The following MYH10 variants were observed in gnomAD, a reference collection of about 807,000 sequenced individuals.
MYH10 encodes the protein myosin heavy chain 10, also known as myosin-10.
A neutral mutation model predicts 257.8 loss-of-function variants in MYH10; 55 were observed. That is an observed-to-expected ratio of 0.21 (90% CI 0.17 to 0.27). MYH10 has a LOEUF of 0.27. Ranked by LOEUF, MYH10 falls within the 10% of genes least tolerant of loss-of-function variation. The pLI is 1.00. For synonymous variants in MYH10, 854 were observed against 921.7 expected (o/e 0.93, Z 1.33); for missense variants, 1,631 against 2,500.6 (o/e 0.65, Z 7.42).
chr17:8,511,124 A>C (rs2081280445), intron 24 of MYH10: 2 of 151,150 alleles, frequency 1.3e-5, no homozygotes, highest in Admixed American at 6.6e-5. Flanking sequence ...AATTAAAAAC[A>C]AAGTGTTACA....
intron 26 of MYH10, among the ~76,000 whole-genome samples, chr17:8,507,043 A>T (rs1567815914): frequency 6.6e-6 from 1 of 152,158 alleles, no homozygotes; most frequent in Non-Finnish European, 1.5e-5. Flanking sequence ...TCACTGAATG[A>T]TTTATTTCCT....
intron 25 of MYH10, 70 bp downstream of exon 25, chr17:8,509,742 T>A (rs2081196853): frequency 7.0e-7 from 1 of 1,424,410 alleles, no homozygotes; most frequent in South Asian, 1.5e-5. Flanking sequence ...TTTCAATGAG[T>A]GTATCAACAT....
Position 8,477,230 on chromosome 17 carries a change from A to G in MYH10, c.5707-182T>C, listed in dbSNP as rs1230655677. 6.6e-6 allele frequency among the ~76,000 whole-genome samples: 1 copy of G among 152,142 alleles called. No homozygotes were observed. Among genetic ancestry groups the G allele is most frequent in the East Asian group, 1.9e-4 (1 of 5,180 alleles). On this transcript the variant is annotated intron_variant, in intron 41 of 42. Coordinates refer to ENST00000360416, the MANE Select transcript of MYH10 (RefSeq NM_001256012.3). The surrounding 1 kb of genome is among the most constrained non-coding windows in gnomAD (Gnocchi z 4.2). ...CTGTAACCGGCCTGCCGCTCTCAGCAAAGCTAGCATCTACAAAGCACACTA... is the reference window on the plus strand; with the variant it reads ...CTGTAACCGGCCTGCCGCTCTCAGCGAAGCTAGCATCTACAAAGCACACTA...
chr17:8,528,060 G>A (rs2081904528), intron 17 of MYH10, among the ~76,000 whole-genome samples: 1 of 152,120 alleles, frequency 6.6e-6, no homozygotes, highest in Admixed American at 6.5e-5. Flanking sequence ...ACTCTACCTG[G>A]ACTTCTCAGG....
chr17:8,513,481 T>C, intron 23 of MYH10, 57 bp downstream of exon 23: 1 of 1,603,320 alleles, frequency 6.2e-7, no homozygotes, highest in South Asian at 1.1e-5. Flanking sequence ...TTGCTACCAG[T>C]GCAAGATCTC....
intron 13 of MYH10, among the ~76,000 whole-genome samples, chr17:8,544,046 T>C (rs895024683): frequency 1.3e-5 from 2 of 152,222 alleles, no homozygotes; most frequent in Non-Finnish European, 2.9e-5. Flanking sequence ...TATCTTGTTA[T>C]GTTGTGGGAT....
chr17:8,595,849 A>G (rs1218709600), intron 3 of MYH10, among the ~76,000 whole-genome samples: 1 of 152,160 alleles, frequency 6.6e-6, no homozygotes, highest in Non-Finnish European at 1.5e-5. Context: ...ATTCAATACA[A>G]AGATCCAAGA....
At chr17:8,568,483 C>T (rs950096745) in intron 7 of MYH10, among the ~76,000 whole-genome samples, 3 of 151,976 alleles carry the variant, frequency 2.0e-5, no homozygotes, top group Non-Finnish European at 2.9e-5. Flanking sequence ...TTTTAAAAAG[C>T]GTGTCACGAC....
intron 17 of MYH10, among the ~76,000 whole-genome samples, chr17:8,529,607 A>C (rs1409160977): frequency 6.6e-6 from 1 of 152,166 alleles, no homozygotes; most frequent in Non-Finnish European, 1.5e-5. Flanking sequence ...TCTCTAGCAT[A>C]ATCTTTTCTC....
In MYH10 at chr17:8,573,789, T is replaced by A. The variant is rs1475935415; in HGVS notation, c.663+2854A>T. The A allele has an allele frequency of 5.6e-6, 5 of 893,220 alleles. No individual in the cohort carries two copies. The East Asian group carries it at 6.0e-4, about 107-fold the overall frequency. The allele number at this position is 893,220 out of a possible 1,614,324, so 55.3% of individuals were successfully genotyped here. A position where few individuals can be genotyped will look rare whatever the true frequency, so the allele number is the denominator to read the frequency against. On this transcript the variant is annotated intron_variant, in intron 6 of 42. Coordinates refer to ENST00000360416, the MANE Select transcript of MYH10 (RefSeq NM_001256012.3). The stretch of plus-strand genomic sequence containing the variant: ...GTATTGTCACTTTAATTTTGAAAAC[T>A]GATTTGCTTATATTTGTTCATATTT...
chr17:8,481,447 A>G (rs746122653), intron 37 of MYH10, 37 bp from the exon 38 acceptor site: 3 of 1,594,018 alleles, frequency 1.9e-6, no homozygotes, highest in East Asian at 2.2e-5. Flanking sequence ...CTGGCTGTGA[A>G]TAGTTTCCTC....
intron 4 of MYH10, among the ~76,000 whole-genome samples, chr17:8,585,927 C>T (rs2083901705): frequency 1.3e-5 from 2 of 152,178 alleles, no homozygotes; most frequent in Non-Finnish European, 2.9e-5. Context: ...TACAATTGAA[C>T]TTGAAATGCA....
intron 17 of MYH10, among the ~76,000 whole-genome samples, chr17:8,522,501 A>G (rs1489055567): frequency 6.6e-6 from 1 of 152,186 alleles, no homozygotes; most frequent in African/African-American, 2.4e-5. Context: ...TGTGGGTCAG[A>G]GCTACCTCTT....
In MYH10 at chr17:8,535,986, C is replaced by A. The variant is rs1279005027; in HGVS notation, c.1606-55G>T. 6 of 1,498,246 alleles carry A rather than the reference C, an allele frequency of 4.0e-6. No individual in the cohort carries two copies. The allele number at this position is 1,498,246 out of a possible 1,614,324, so 92.8% of individuals were successfully genotyped here. A position where few individuals can be genotyped will look rare whatever the true frequency, so the allele number is the denominator to read the frequency against. ...AGTTTTGCATGCCACTTTAATACTA[C>A]TGAGTCTGGCACTTAAACTTCTAAA... is the stretch of plus-strand genomic sequence containing the variant. On this transcript the variant is annotated intron_variant, in intron 14 of 42. Transcript: ENST00000360416. This position sits in a 1 kb window ranked among gnomAD's most constrained non-coding sequence, Gnocchi z 4.3.
At chr17:8,481,293 G>A in intron 38 of MYH10, 29 bp downstream of exon 38, 1 of 1,609,296 alleles carries the variant, frequency 6.2e-7, no homozygotes, top group Non-Finnish European at 8.5e-7. Flanking sequence ...TGAGGGCGAA[G>A]AACCCACCCC....
intron 7 of MYH10, among the ~76,000 whole-genome samples, chr17:8,565,686 A>G (rs1029425224): frequency 5.9e-5 from 9 of 152,364 alleles, no homozygotes; most frequent in Admixed American, 5.9e-4. Flanking sequence ...ATAGTAGTGC[A>G]GGCACTTTGG....
chr17:8,582,964 T>C (rs1022981048), intron 4 of MYH10, among the ~76,000 whole-genome samples: 1 of 152,216 alleles, frequency 6.6e-6, no homozygotes, highest in Non-Finnish European at 1.5e-5. Context: ...CAGATACATA[T>C]TACCCCCTAT....
intron 16 of MYH10, among the ~76,000 whole-genome samples, chr17:8,534,565 T>C (rs765743648): frequency 2.0e-4 from 31 of 152,254 alleles, no homozygotes; most frequent in Non-Finnish European, 4.3e-4. Flanking sequence ...TCTGCTTCCA[T>C]TCCTTTCCCT....
intron 6 of MYH10, among the ~76,000 whole-genome samples, chr17:8,571,987 C>A (rs1208326922): frequency 6.6e-6 from 1 of 151,538 alleles, no homozygotes; most frequent in East Asian, 1.9e-4. Flanking sequence ...TGGAAAAACA[C>A]TGGCATTCTA....
Sources: gnomAD v4.1 joint callset for allele counts (sites outside exome capture counted in the v4.1 genomes callset) on GRCh38, gnomAD v4.1.1 for gene constraint, Gnocchi (gnomAD v3.1) non-coding constraint, MANE v1.5 for transcripts, NCBI Gene and HGNC (gene_info 2026-07-23, HGNC 2026-07-21) for gene names.